Variants in RPS6KC1 observed in about 807,000 individuals in gnomAD.
RPS6KC1 encodes inactive ribosomal protein S6 kinase delta-1.
A neutral mutation model predicts 103.8 loss-of-function variants in RPS6KC1; 54 were observed. The observed-to-expected ratio is 0.52, with a 90% CI of 0.42 to 0.65. The LOEUF (loss-of-function observed/expected upper bound fraction) is 0.65. RPS6KC1 is among the 30% of genes least tolerant of loss of function. The probability of loss-of-function intolerance (pLI) is 0.00; values close to 1 mark genes in which losing one functional copy is unlikely to be tolerated. For missense variants in RPS6KC1, 1,151 were observed against 1,253.8 expected (o/e 0.92, Z 1.24); for synonymous variants, 439 against 438.7 (o/e 1.00, Z -0.01).
At chr1:213,816,842 G>A in the RPS6KC1 span, among the ~76,000 whole-genome samples, 2 of 152,210 alleles carry the variant, frequency 1.3e-5, no homozygotes, top group East Asian at 1.9e-4. Context: ...ATAGTCAAAT[G>A]AGGATGTTAA....
chr1:213,612,026 C>T, the RPS6KC1 span, among the ~76,000 whole-genome samples: 1 of 152,214 alleles, frequency 6.6e-6, no homozygotes, highest in Admixed American at 6.5e-5. Flanking sequence ...GACACAGCTT[C>T]TGTCCTTAAG....
the RPS6KC1 span, among the ~76,000 whole-genome samples, chr1:213,474,347 TCTGAGGGTGGA>T: frequency 6.6e-6 from 1 of 151,430 alleles, no homozygotes; most frequent in Non-Finnish European, 1.5e-5. Context: ...AGTCCTGGTT[TCTGAGGGTGGA>T]CACAAGGCTA....
chr1:213,117,747 G>C (rs1268190852), intron 5 of RPS6KC1, among the ~76,000 whole-genome samples: 2 of 151,780 alleles, frequency 1.3e-5, no homozygotes, highest in African/African-American at 4.8e-5. Flanking sequence ...ACTTGGCCAG[G>C]CATGGTGGCT....
At chr1:213,715,695 T>C in the RPS6KC1 span, among the ~76,000 whole-genome samples, 1 of 152,248 alleles carries the variant, frequency 6.6e-6, no homozygotes, top group Admixed American at 6.5e-5. Flanking sequence ...AAAACCAGCC[T>C]GGATCCCAGT....
the RPS6KC1 span, among the ~76,000 whole-genome samples, chr1:213,510,156 A>G: frequency 3.4e-4 from 52 of 152,308 alleles, 2 homozygotes; most frequent in East Asian, 9.8e-3. Flanking sequence ...CACAGCAGCC[A>G]AAGTAGGGGC....
At chr1:213,776,583 A>T in the RPS6KC1 span, among the ~76,000 whole-genome samples, 7,653 of 152,280 alleles carry the variant, frequency 0.05, 625 homozygotes, top group African/African-American at 0.17. Context: ...TGTTTCATTG[A>T]TAGAGCACAG....
chr1:213,816,684 C>T, the RPS6KC1 span, among the ~76,000 whole-genome samples: 2 of 152,218 alleles, frequency 1.3e-5, no homozygotes, highest in South Asian at 2.1e-4. Flanking sequence ...CTCAAATGCC[C>T]GATGGTGACT....
the RPS6KC1 span, among the ~76,000 whole-genome samples, chr1:213,666,757 CAAAGT>C: frequency 2.0e-5 from 3 of 152,208 alleles, no homozygotes; most frequent in African/African-American, 7.2e-5. Flanking sequence ...GCTCTTACGG[CAAAGT>C]AGTTAAGCTG....
chr1:213,451,184 A>T, the RPS6KC1 span, among the ~76,000 whole-genome samples: 17 of 152,328 alleles, frequency 1.1e-4, no homozygotes, highest in East Asian at 1.5e-3. Context: ...CAGTTGTCAC[A>T]TTTCTACATT....
the RPS6KC1 span, among the ~76,000 whole-genome samples, chr1:213,559,545 G>T: frequency 6.6e-6 from 1 of 152,122 alleles, no homozygotes; most frequent in African/African-American, 2.4e-5. Flanking sequence ...TCACCTGAAG[G>T]CATTTAAATG....
chr1:213,691,012 A>G, the RPS6KC1 span, among the ~76,000 whole-genome samples: 1 of 152,072 alleles, frequency 6.6e-6, no homozygotes, highest in South Asian at 2.1e-4. Context: ...AGAGAGTGTG[A>G]GAGAAGTCCC....
At chr1:213,447,109 C>T in the RPS6KC1 span, among the ~76,000 whole-genome samples, 1 of 151,852 alleles carries the variant, frequency 6.6e-6, no homozygotes, top group South Asian at 2.1e-4. Context: ...ACTCTGTTGC[C>T]CAAGCTGGAG....
chr1:213,585,831 G>T, the RPS6KC1 span, among the ~76,000 whole-genome samples: 1 of 152,088 alleles, frequency 6.6e-6, no homozygotes, highest in Non-Finnish European at 1.5e-5. Flanking sequence ...ATGGCAAAGG[G>T]TCCCATGCAA....
the RPS6KC1 span, among the ~76,000 whole-genome samples, chr1:213,296,984 C>G: frequency 1.3e-5 from 2 of 152,160 alleles, no homozygotes; most frequent in African/African-American, 2.4e-5. Context: ...TTTACAAAAG[C>G]AGAGGAGGTT....
chr1:213,565,100 C>T, the RPS6KC1 span, among the ~76,000 whole-genome samples: 1 of 152,088 alleles, frequency 6.6e-6, no homozygotes, highest in Non-Finnish European at 1.5e-5. Context: ...TAAACTTCCA[C>T]CAGAAAGGTT....
the RPS6KC1 span, among the ~76,000 whole-genome samples, chr1:213,607,314 G>T: frequency 2.6e-5 from 4 of 152,166 alleles, no homozygotes; most frequent in Non-Finnish European, 5.9e-5. Context: ...AAAGAAATGG[G>T]ATATAAGCCC....
At chr1:213,550,865 T>G in the RPS6KC1 span, among the ~76,000 whole-genome samples, 6 of 152,222 alleles carry the variant, frequency 3.9e-5, no homozygotes, top group African/African-American at 1.4e-4. Flanking sequence ...AAAACTGAAT[T>G]CACCTCAAAA....
At chr1:213,151,165 G>A in intron 6 of RPS6KC1, among the ~76,000 whole-genome samples, 1 of 145,686 alleles carries the variant, frequency 6.9e-6, no homozygotes, top group African/African-American at 2.5e-5. Flanking sequence ...TGGCCGGGCG[G>A]GGGGCTGACC....
chr1:213,391,970 T>G, the RPS6KC1 span, among the ~76,000 whole-genome samples: 1 of 152,198 alleles, frequency 6.6e-6, no homozygotes, highest in Admixed American at 6.5e-5. Context: ...GAAGCTGGGC[T>G]GCATGACCTC....
Sources: gnomAD v4.1 joint callset for allele counts (sites outside exome capture counted in the v4.1 genomes callset) on GRCh38, gnomAD v4.1.1 for gene constraint, MANE v1.5 for transcripts, NCBI Gene and HGNC (gene_info 2026-07-23, HGNC 2026-07-21) for gene names.